The following CMIP variants were observed in gnomAD, a reference collection of about 807,000 sequenced individuals.
CMIP encodes the protein C-Maf-inducing protein.
CMIP carries 13 observed loss-of-function variants against 97.3 expected under a neutral mutation model. That is an observed-to-expected ratio of 0.13 (90% confidence interval 0.09 to 0.21). CMIP has a LOEUF of 0.21. Among genes scored for constraint, CMIP ranks in the 10% least tolerant of loss-of-function variants. The probability of loss-of-function intolerance (pLI) is 1.00; values close to 1 mark genes in which losing one functional copy is unlikely to be tolerated. For missense variants in CMIP, 847 were observed against 1,024.9 expected, an observed-to-expected ratio of 0.83 and a Z score of 2.37; for synonymous variants, 538 against 436.3, an observed-to-expected ratio of 1.23 and a Z score of -2.91.
chr16:81,703,494 AAC>A (rs148995084), intron 17 of CMIP, among the ~76,000 whole-genome samples: 6 of 151,362 alleles, frequency 4.0e-5, no homozygotes, highest in Admixed American at 2.6e-4. Flanking sequence ...GAGACACACC[AAC>A]ACACACACAC....
chr16:81,707,803 C>G (rs1204225149), intron 20 of CMIP, among the ~76,000 whole-genome samples: 2 of 152,230 alleles, frequency 1.3e-5, no homozygotes, highest in African/African-American at 4.8e-5. Context: ...CCAGAAGGAG[C>G]GGGCGGGACT....
chr16:81,679,999 C>G (rs775461289), intron 10 of CMIP, among the ~76,000 whole-genome samples: 1 of 152,248 alleles, frequency 6.6e-6, no homozygotes, highest in African/African-American at 2.4e-5. Flanking sequence ...CTGCCCCACT[C>G]TCAGGAGTTT....
chr16:81,626,782 AGAGAGAGTGTGT>A (rs1247452071), intron 3 of CMIP, among the ~76,000 whole-genome samples: 2 of 66,552 alleles, frequency 3.0e-5, no homozygotes, highest in African/African-American at 9.7e-5. Context: ...TGACAGAGAG[AGAGAGAGTGTGT>A]GTGTGTGTGT....
At chr16:81,657,643 A>C in intron 4 of CMIP, 132 bp from the exon 5 acceptor site, 1 of 740,018 alleles carries the variant, frequency 1.4e-6, no homozygotes, top group South Asian at 1.9e-5. Context: ...TTTAATTAAG[A>C]AAAAATGACA....
In CMIP at chr16:81,616,500, C is replaced by T. The variant is rs1260624734; in HGVS notation, c.427-4376C>T. On this transcript the variant is annotated intron_variant, in intron 2 of 20. Coordinates refer to ENST00000537098, the MANE Select transcript of CMIP (RefSeq NM_198390.3). The surrounding 1 kb of genome is among the most constrained non-coding windows in gnomAD (Gnocchi z 4.7). ...TGGTGCCTGGTACCGAGTAAGCACC[C>T]GTGGTCTGTGGTTGGTAGTGACATG... is the stretch of plus-strand genomic sequence containing the variant. 2.0e-5 allele frequency among the ~76,000 whole-genome samples: 3 copies of T among 152,194 alleles called. No homozygotes were observed. Among genetic ancestry groups the T allele is most frequent in the East Asian group, 1.9e-4 (1 of 5,198 alleles).
intron 1 of CMIP, among the ~76,000 whole-genome samples, chr16:81,602,019 G>C (rs1441078312): frequency 6.6e-6 from 1 of 152,200 alleles, no homozygotes; most frequent in Non-Finnish European, 1.5e-5. Context: ...CCATTTCTGG[G>C]AATCTGGCCT....
intron 1 of CMIP, among the ~76,000 whole-genome samples, chr16:81,601,279 C>T (rs963660681): frequency 5.3e-5 from 8 of 152,174 alleles, no homozygotes; most frequent in African/African-American, 9.7e-5. Flanking sequence ...CGTCATGATT[C>T]GTATTCACTT....
chr16:81,659,135 G>C (rs1470789149), intron 5 of CMIP, among the ~76,000 whole-genome samples: 4 of 152,178 alleles, frequency 2.6e-5, no homozygotes. Context: ...GTCAACCTGG[G>C]CACCCCCAAT....
intron 7 of CMIP, among the ~76,000 whole-genome samples, chr16:81,669,116 ACACT>A (rs67160671): frequency 0.4 from 30,438 of 76,306 alleles, 6,064 homozygotes; most frequent in Middle Eastern, 0.57. Context: ...CCCACCTCTC[ACACT>A]CACCTCCTTC....
chr16:81,706,953 C>G, intron 19 of CMIP, 61 bp from the exon 20 acceptor site: 1 of 1,481,266 alleles, frequency 6.8e-7, no homozygotes, highest in Non-Finnish European at 9.4e-7. Context: ...GCTTGGCCAT[C>G]CCATACCTTC....
intron 1 of CMIP, among the ~76,000 whole-genome samples, chr16:81,564,930 C>T (rs1179213695): frequency 1.3e-5 from 2 of 151,552 alleles, no homozygotes; most frequent in African/African-American, 2.4e-5. Context: ...GCCCGGGCGA[C>T]TGTATGCAGG....
intron 10 of CMIP, among the ~76,000 whole-genome samples, chr16:81,682,558 T>C (rs905719112): frequency 6.8e-6 from 1 of 146,842 alleles, no homozygotes; most frequent in African/African-American, 2.5e-5. Context: ...AGAGCGAGAC[T>C]CCCATCTCCA....
chr16:81,622,944 C>G (rs2092012178), intron 3 of CMIP, among the ~76,000 whole-genome samples: 1 of 152,216 alleles, frequency 6.6e-6, no homozygotes, highest in Non-Finnish European at 1.5e-5. Context: ...TGGCTCATGC[C>G]TGTAATCCCA....
At chr16:81,470,391 T>G (rs1907451114) in intron 1 of CMIP, among the ~76,000 whole-genome samples, 2 of 152,236 alleles carry the variant, frequency 1.3e-5, no homozygotes, top group South Asian at 4.1e-4. Flanking sequence ...AGGGTGCTTT[T>G]CATGTCCTGG....
At chr16:81,509,028 G>A (rs1457748710) in intron 1 of CMIP, among the ~76,000 whole-genome samples, 1 of 152,206 alleles carries the variant, frequency 6.6e-6, no homozygotes, top group Non-Finnish European at 1.5e-5. Flanking sequence ...AGCCTTAAGA[G>A]CAGCAGCTTT....
At chr16:81,701,514 T>C in intron 15 of CMIP, 146 bp from the exon 16 acceptor site, 1 of 1,062,774 alleles carries the variant, frequency 9.4e-7, no homozygotes, top group Middle Eastern at 2.2e-4. Flanking sequence ...GTTGGGCAGG[T>C]GATTTGCCCA....
chr16:81,610,213 G>T, intron 2 of CMIP: 1 of 550,668 alleles, frequency 1.8e-6, no homozygotes, highest in Non-Finnish European at 2.3e-6. Flanking sequence ...GCAGTGCCTG[G>T]AATGTCCCTT....
intron 1 of CMIP, among the ~76,000 whole-genome samples, chr16:81,580,945 T>C (rs895316474): frequency 7.0e-6 from 1 of 143,662 alleles, no homozygotes; most frequent in Non-Finnish European, 1.5e-5. Flanking sequence ...TCCCCTCTCT[T>C]CCAGCCCCCT....
At position 81,544,697 on chromosome 16, in the gene CMIP, G is replaced by A. The variant is rs116506891; in HGVS notation, c.301-62870G>A. 1.2e-3 allele frequency among the ~76,000 whole-genome samples: 185 copies of A among 151,660 alleles called. 2 individuals carry two copies. Among genetic ancestry groups the A allele is most frequent in the African/African-American group, 4.3e-3 (177 of 41,338 alleles). ...GTGGTGTATGGGTATTTGTATGTGT[G>A]TATATGTTTGTGGAATGTTGTGTGT... On this transcript the variant is annotated intron_variant, in intron 1 of 20. Coordinates refer to ENST00000537098, the MANE Select transcript of CMIP (RefSeq NM_198390.3).
Sources: allele counts gnomAD v4.1 joint callset (sites outside exome capture counted in the v4.1 genomes callset), GRCh38; gene constraint gnomAD v4.1.1; non-coding constraint Gnocchi (gnomAD v3.1); transcripts MANE v1.5; gene names NCBI Gene and HGNC (gene_info 2026-07-23, HGNC 2026-07-21).